The following OXR1 variants were observed in gnomAD, a reference collection of about 807,000 sequenced individuals.
The protein encoded by OXR1 is oxidation resistance 1, also known as oxidation resistance protein 1.
A neutral mutation model predicts 104.6 loss-of-function variants in OXR1; 41 were observed. The ratio of observed to expected loss-of-function variants is 0.39; its 90% CI spans 0.31 to 0.51. OXR1 has a LOEUF of 0.51. OXR1 is among the 20% of genes least tolerant of loss of function. OXR1 has a pLI of 0.77. For missense variants in OXR1, 955 were observed against 1,031.9 expected (o/e 0.93, Z 1.02); for synonymous variants, 348 against 348.4 (o/e 1.00, Z 0.01).
chr8:106,316,197 T>C (rs1303297986), intron 1 of OXR1, among the ~76,000 whole-genome samples: 1 of 152,196 alleles, frequency 6.6e-6, no homozygotes, highest in Non-Finnish European at 1.5e-5. Flanking sequence ...ATTATATCAA[T>C]GCAAACCTGT....
intron 3 of OXR1, among the ~76,000 whole-genome samples, chr8:106,626,219 A>T (rs921690797): frequency 4.0e-5 from 6 of 151,860 alleles, no homozygotes; most frequent in East Asian, 1.9e-4. Flanking sequence ...TGTAAAAAAA[A>T]TTTTTAAAAA....
chr8:106,657,786 T>A, intron 3 of OXR1: 1 of 1,192,514 alleles, frequency 8.4e-7, no homozygotes, highest in Middle Eastern at 3.2e-4. Context: ...CGTCTTTTGC[T>A]CCCCCGACGC....
chr8:106,378,490 A>T (rs1009886406), intron 2 of OXR1, among the ~76,000 whole-genome samples: 5 of 152,090 alleles, frequency 3.3e-5, no homozygotes, highest in Non-Finnish European at 1.5e-5. Context: ...TCATTCGCTG[A>T]CATCTGACTT....
intron 1 of OXR1, chr8:106,271,669 A>G (rs1811817389): frequency 1.3e-5 from 2 of 152,392 alleles, no homozygotes; most frequent in Non-Finnish European, 1.5e-5. Flanking sequence ...TAAGGGGAAC[A>G]TACTTCCCTA....
In OXR1 at chr8:106,558,245, C is replaced by G. The variant is rs994441116; in HGVS notation, c.220+39106C>G. On this transcript the variant is annotated intron_variant, in intron 3 of 16. Transcript: ENST00000517566. ...TACTCTGGGGAGTAAAAGCACATAG[C>G]CTTTTCGTATTGCTATGTACCAAAG... Among the ~76,000 whole-genome samples the G allele has an allele frequency of 3.9e-5, 6 of 152,314 alleles. No individual in the cohort carries two copies. The East Asian group carries it at 1.2e-3, about 29-fold the overall frequency.
At chr8:106,599,968 A>G (rs898478506) in intron 3 of OXR1, among the ~76,000 whole-genome samples, 11 of 152,280 alleles carry the variant, frequency 7.2e-5, no homozygotes, top group Middle Eastern at 3.4e-3. Flanking sequence ...TGATGCTTCT[A>G]TGAAGATCTA....
intron 1 of OXR1, among the ~76,000 whole-genome samples, chr8:106,320,289 G>A (rs775617645): frequency 6.6e-6 from 1 of 151,952 alleles, no homozygotes; most frequent in Non-Finnish European, 1.5e-5. Context: ...TCCTTCACTG[G>A]GTTACATCCA....
intron 7 of OXR1, among the ~76,000 whole-genome samples, chr8:106,693,467 TCAGC>T (rs1410914349): frequency 6.9e-6 from 1 of 145,548 alleles, no homozygotes; most frequent in Non-Finnish European, 1.5e-5. Context: ...TTCGCTCTTA[TCAGC>T]CAGGCTGGAG....
intron 1 of OXR1, among the ~76,000 whole-genome samples, chr8:106,351,073 C>A (rs1815705222): frequency 6.6e-6 from 1 of 151,964 alleles, no homozygotes; most frequent in South Asian, 2.1e-4. Context: ...ATAAATACGG[C>A]TCCAAATTAA....
intron 7 of OXR1, among the ~76,000 whole-genome samples, chr8:106,695,792 TATC>T (rs373938491): frequency 8.5e-6 from 1 of 117,748 alleles, no homozygotes; most frequent in Non-Finnish European, 2.0e-5. Flanking sequence ...TATGCCACTT[TATC>T]TTTTTTTGGT....
At chr8:106,456,656 T>C (rs532462378) in intron 2 of OXR1, among the ~76,000 whole-genome samples, 1 of 152,312 alleles carries the variant, frequency 6.6e-6, no homozygotes, top group African/African-American at 2.4e-5. Context: ...GCAGCTTGCA[T>C]AATCTATAGA....
chr8:106,596,105 C>G (rs1278144205), intron 3 of OXR1, among the ~76,000 whole-genome samples: 1 of 151,948 alleles, frequency 6.6e-6, no homozygotes, highest in Non-Finnish European at 1.5e-5. Flanking sequence ...TGAGCACCTA[C>G]TAATACCAAA....
intron 2 of OXR1, among the ~76,000 whole-genome samples, chr8:106,506,032 A>G (rs139842555): frequency 1.3e-5 from 2 of 152,276 alleles, no homozygotes; most frequent in African/African-American, 4.8e-5. Flanking sequence ...TTAAGATATA[A>G]TTTGGAGGTA....
intron 2 of OXR1, among the ~76,000 whole-genome samples, chr8:106,401,793 G>A (rs933225890): frequency 2.0e-5 from 3 of 152,104 alleles, no homozygotes; most frequent in East Asian, 3.8e-4. Context: ...CCTGGCATGC[G>A]GTAAGTCTAA....
At chr8:106,501,231 C>G (rs1811786662) in intron 2 of OXR1, among the ~76,000 whole-genome samples, 1 of 152,194 alleles carries the variant, frequency 6.6e-6, no homozygotes, top group African/African-American at 2.4e-5. Context: ...TCAAGGGATC[C>G]TCCTGTCTCA....
intron 3 of OXR1, among the ~76,000 whole-genome samples, chr8:106,577,876 C>T (rs749795584): frequency 2.0e-5 from 3 of 152,174 alleles, no homozygotes; most frequent in Non-Finnish European, 4.4e-5. Flanking sequence ...TCCTCTCCAG[C>T]TACCCTTCCT....
At chr8:106,622,176 T>C (rs1821758041) in intron 3 of OXR1, among the ~76,000 whole-genome samples, 1 of 152,176 alleles carries the variant, frequency 6.6e-6, no homozygotes, top group Admixed American at 6.5e-5. Context: ...AGAGATCCTG[T>C]TGGCTCTCTT....
intron 3 of OXR1, among the ~76,000 whole-genome samples, chr8:106,550,772 G>A (rs1815740658): frequency 6.6e-6 from 1 of 152,130 alleles, no homozygotes; most frequent in Non-Finnish European, 1.5e-5. Flanking sequence ...GGAACTGTGA[G>A]TCAATTAAAC....
At chr8:106,601,014 CA>C (rs368543975) in intron 3 of OXR1, among the ~76,000 whole-genome samples, 94 of 152,194 alleles carry the variant, frequency 6.2e-4, no homozygotes, top group Middle Eastern at 3.4e-3. Context: ...AGGAGGGAGG[CA>C]GGAGGTAGCC....
Sources: gnomAD v4.1 joint callset for allele counts (sites outside exome capture counted in the v4.1 genomes callset) on GRCh38, gnomAD v4.1.1 for gene constraint, MANE v1.5 for transcripts, NCBI Gene and HGNC (gene_info 2026-07-23, HGNC 2026-07-21) for gene names.